Variants in WIZ observed in about 807,000 individuals in gnomAD.
WIZ encodes protein Wiz.
Under a neutral mutation model 140.2 loss-of-function variants are expected in WIZ, and 25 were observed. The ratio of observed to expected loss-of-function variants is 0.18; its 90% CI spans 0.13 to 0.25. The LOEUF (loss-of-function observed/expected upper bound fraction) is 0.25. Among genes scored for constraint, WIZ ranks in the 10% least tolerant of loss-of-function variants. The pLI is 1.00. For missense variants in WIZ, 2,231 were observed against 2,632.6 expected (o/e 0.85, Z 3.34); for synonymous variants, 1,125 against 1,154.3 (o/e 0.97, Z 0.51).
rs1211446750 is a variant in WIZ, at chr19:15,424,875, G to T, written c.5052C>A (p.Pro1684=). The T allele has an allele frequency of 1.2e-6, 2 of 1,611,016 alleles. No homozygotes were observed. The highest frequency in any genetic ancestry group is 2.7e-5 in the African/African-American group (2 of 74,936). ...ETLSEWIKHR[P]QKVGAYRSYI... Reference sequence around the variant, plus strand: ...AGCTGCGGTAGGCGCCCACCTTCTGGGGCCGGTGTTTGATCCACTCGCTCA... The same window carrying T: ...AGCTGCGGTAGGCGCCCACCTTCTGTGGCCGGTGTTTGATCCACTCGCTCA... The change falls in exon 11 of 13, where the codon CCC becomes CCA. Residue 1684 remains proline (P), a synonymous_variant. Transcript: ENST00000673675. This position sits in a 1 kb window ranked among gnomAD's most constrained non-coding sequence, Gnocchi z 9.7.
rs1469870300 is a variant in WIZ, at chr19:15,432,029, G to A, written c.2741-847C>T. On this transcript the variant is annotated intron_variant, in intron 5 of 12. Coordinates refer to ENST00000673675, the MANE Select transcript of WIZ (RefSeq NM_001371589.1). The stretch of plus-strand genomic sequence containing the variant: ...GGGCAGGGGGCCATGTAGGTTCTAT[G>A]CTCAGTTTGAGTCTCGCAGAAGCAA... Among the ~76,000 whole-genome samples, 7 of 152,322 alleles carry A rather than the reference G, an allele frequency of 4.6e-5. No homozygotes were observed. The South Asian group carries it at 1.2e-3, about 27-fold the overall frequency.
At chr19:15,446,191 C>T (rs1314531187) in intron 2 of WIZ, among the ~76,000 whole-genome samples, 7 of 152,140 alleles carry the variant, frequency 4.6e-5, no homozygotes, top group Admixed American at 2.0e-4. Context: ...AACAGATGCA[C>T]GTATGAGACC....
chr19:15,443,557 CT>C (rs1362996674), intron 2 of WIZ, among the ~76,000 whole-genome samples: 1 of 152,208 alleles, frequency 6.6e-6, no homozygotes, highest in African/African-American at 2.4e-5. Flanking sequence ...GCTATGCCTT[CT>C]GCCCAGGGCA....
chr19:15,435,953 T>C (rs1466128875), intron 5 of WIZ, among the ~76,000 whole-genome samples: 1 of 152,020 alleles, frequency 6.6e-6, no homozygotes, highest in Non-Finnish European at 1.5e-5. Context: ...TGAAAACCCA[T>C]CTCTACTAAA....
chr19:15,425,495 G>A lies in WIZ; in HGVS notation c.4640C>T (p.Ser1547Phe). Residue 1547 changes from serine (S) to phenylalanine (F), a missense_variant, in exon 10 of 13, where the codon TCC (serine) becomes TTC (phenylalanine). Physicochemically the swap from Ser to Phe is radical, Grantham distance 155. Around this residue, in one of 15 missense-constraint regions of WIZ, gnomAD observed 393 missense variants for 451.7 expected, o/e 0.87. Transcript: ENST00000673675. Reference protein sequence around the residue: ...PPTVAPGPVQSPLPLSPLAGR... With the variant: ...PPTVAPGPVQFPLPLSPLAGR... ...AGCCAGGGGCGACAGCGGCAGTGGG[G>A]ACTGCACGGGCCCAGGGGCCACGGT... 1 of 1,609,446 alleles carries A rather than the reference G, an allele frequency of 6.2e-7. No homozygotes were observed. The highest frequency in any genetic ancestry group is 8.5e-7 in the Non-Finnish European group (1 of 1,178,200).
chr19:15,442,755 C>G lies in WIZ; in HGVS notation c.206-7G>C. The G allele has an allele frequency of 8.1e-7, 1 of 1,231,934 alleles. No individual in the cohort carries two copies. The highest frequency in any genetic ancestry group is 1.0e-6 in the Non-Finnish European group (1 of 987,848). 76.3% of individuals were successfully genotyped at this position (1,231,934 alleles called of 1,614,324 possible). A position where few individuals can be genotyped will look rare whatever the true frequency, so the allele number is the denominator to read the frequency against. ...CCGGGATGGGGCTGCCCGTCTGCAACAGAGAGGGGAGACCCTGAGGGGCTG... is the reference window on the plus strand; with the variant it reads ...CCGGGATGGGGCTGCCCGTCTGCAAGAGAGAGGGGAGACCCTGAGGGGCTG... On this transcript the variant is annotated splice_region_variant and splice_polypyrimidine_tract_variant and intron_variant, in intron 2 of 12. Transcript: ENST00000673675. The surrounding 1 kb of genome is among the most constrained non-coding windows in gnomAD (Gnocchi z 5.5).
rs79657001 is a variant in WIZ, at chr19:15,428,703, T to C, written c.3416-195A>G. Among the ~76,000 whole-genome samples, 317 of 151,832 alleles carry C rather than the reference T, an allele frequency of 2.1e-3. 1 individual carries two copies. The highest frequency in any genetic ancestry group is 7.2e-3 in the African/African-American group (299 of 41,336). On this transcript the variant is annotated intron_variant, in intron 7 of 12. Coordinates refer to ENST00000673675, the MANE Select transcript of WIZ (RefSeq NM_001371589.1). This position sits in a 1 kb window ranked among gnomAD's most constrained non-coding sequence, Gnocchi z 6.4. ...CCTAGCCCTTTGGCATCGAGGGGAG[T>C]GTAGAGAGCTTAAGGACTTTGGGTA... is the stretch of plus-strand genomic sequence containing the variant.
chr19:15,431,206 A>G, intron 5 of WIZ, 24 bp from the exon 6 acceptor site: 1 of 1,489,166 alleles, frequency 6.7e-7, no homozygotes, highest in African/African-American at 1.4e-5. Flanking sequence ...AGACAGGCTC[A>G]GCCCAGACAA....
intron 3 of WIZ, among the ~76,000 whole-genome samples, chr19:15,441,330 C>T (rs1291846159): frequency 6.6e-6 from 1 of 152,136 alleles, no homozygotes; most frequent in Non-Finnish European, 1.5e-5. Flanking sequence ...GGCAAGGTAA[C>T]CACTCTGGGC....
Position 15,438,795 on chromosome 19 carries a change from G to A in WIZ, c.2199C>T (p.Asp733=). The part of the protein sequence containing the change: ...DAPLGGPLGL[D]TLLDGDPAMA... ...TGGCCGGATCCCCATCCAGGAGTGTGTCCAGCCCCAGCGGGCCGCCCAGCG... is the reference window on the plus strand; with the variant it reads ...TGGCCGGATCCCCATCCAGGAGTGTATCCAGCCCCAGCGGGCCGCCCAGCG... Residue 733 remains aspartate (D), a synonymous_variant, in exon 4 of 13, where the codon GAC becomes GAT. Transcript: ENST00000673675. The A allele has an allele frequency of 6.6e-7, 1 of 1,522,406 alleles. No homozygotes were observed. 94.3% of individuals were successfully genotyped at this position (1,522,406 alleles called of 1,614,324 possible).
At position 15,422,979 on chromosome 19, in the gene WIZ, T is replaced by C. The variant is rs1968463334; in HGVS notation, c.*97A>G. The stretch of plus-strand genomic sequence containing the variant: ...CCGGTTTGAGGTTTTGGCTTGCTCC[T>C]TTGGAAACGGAAAGAAAGAGGAAGA... On this transcript the variant is annotated 3_prime_UTR_variant, in exon 13 of 13. Coordinates refer to ENST00000673675, the MANE Select transcript of WIZ (RefSeq NM_001371589.1). 2 of 1,519,260 alleles carry C rather than the reference T, an allele frequency of 1.3e-6. No individual in the cohort carries two copies. The highest frequency in any genetic ancestry group is 1.8e-6 in the Non-Finnish European group (2 of 1,134,842). 94.1% of individuals were successfully genotyped at this position (1,519,260 alleles called of 1,614,324 possible). A position where few individuals can be genotyped will look rare whatever the true frequency, so the allele number is the denominator to read the frequency against.
Position 15,429,811 on chromosome 19 carries a change from C to G in WIZ, c.3190G>C (p.Ala1064Pro), listed in dbSNP as rs1193455952. 3.9e-6 allele frequency: 6 copies of G among 1,526,204 alleles called. No homozygotes were observed. The highest frequency in any genetic ancestry group is 5.3e-6 in the Non-Finnish European group (6 of 1,140,354). 94.5% of individuals were successfully genotyped at this position (1,526,204 alleles called of 1,614,324 possible). Residue 1064 changes from alanine to proline, a missense_variant, in exon 7 of 13, where the codon GCC becomes CCC. By Grantham distance (27) the Ala-to-Pro change is conservative (BLOSUM62 -1). Transcript: ENST00000673675. ...GLLSLAKPLD[A>P]PAVNKAIKSP... ...TTGATGGCTTTGTTGACAGCAGGGG[C>G]ATCCAAGGGCTTGGCCAGGCTGAGC...
chr19:15,424,583 G>T lies in WIZ; in HGVS notation c.5314+30C>A. 1.3e-6 allele frequency: 2 copies of T among 1,565,696 alleles called. No homozygotes were observed. Among genetic ancestry groups the T allele is most frequent in the Non-Finnish European group, 1.7e-6 (2 of 1,163,722 alleles). The stretch of plus-strand genomic sequence containing the variant: ...GGTGGGCCTGACAGGTGCCCGCTGC[G>T]CTCCCGACCCTCCTCCACCAAGCAC... On this transcript the variant is annotated intron_variant, in intron 11 of 12. Transcript: ENST00000673675. The surrounding 1 kb of genome is among the most constrained non-coding windows in gnomAD (Gnocchi z 9.7).
In WIZ at chr19:15,439,059, G is replaced by A; in HGVS notation, c.1935C>T (p.Ala645=). The A allele has an allele frequency of 6.7e-7, 1 of 1,496,202 alleles. No homozygotes were observed. The highest frequency in any genetic ancestry group is 8.9e-7 in the Non-Finnish European group (1 of 1,125,568). 92.7% of individuals were successfully genotyped at this position (1,496,202 alleles called of 1,614,324 possible). The change falls in exon 4 of 13, where the codon GCC becomes GCT. Residue 645 remains alanine (A), a synonymous_variant. Coordinates refer to ENST00000673675, the MANE Select transcript of WIZ (RefSeq NM_001371589.1). The surrounding 1 kb of genome is among the most constrained non-coding windows in gnomAD (Gnocchi z 7.0). ...CCGCCTGCGGGATGAGGCTGGGGGT[G>A]GCTAGGGGTGAAAAGACCCCATTTT... ...SPENGVFSPL[A]TPSLIPQAAL...
In WIZ at chr19:15,442,827, G is replaced by T; in HGVS notation, c.206-79C>A. On this transcript the variant is annotated intron_variant, in intron 2 of 12. Transcript: ENST00000673675. This position sits in a 1 kb window ranked among gnomAD's most constrained non-coding sequence, Gnocchi z 5.5. Reference sequence around the variant, plus strand: ...TCCACACCCCAGCTCCAGGAGCCCTGCCAGGTGCCTCAGAAAGGCCCTGCT... The same window carrying T: ...TCCACACCCCAGCTCCAGGAGCCCTTCCAGGTGCCTCAGAAAGGCCCTGCT... 2 of 918,350 alleles carry T rather than the reference G, an allele frequency of 2.2e-6. No individual in the cohort carries two copies. Among genetic ancestry groups the T allele is most frequent in the Non-Finnish European group, 2.9e-6 (2 of 701,220 alleles). 56.9% of individuals were successfully genotyped at this position (918,350 alleles called of 1,614,324 possible).
chr19:15,422,455 C>A lies in WIZ; in HGVS notation c.*621G>T, dbSNP rs1968429761. 1 of 152,034 alleles carries A rather than the reference C, an allele frequency of 6.6e-6. No homozygotes were observed. 9.4% of individuals were successfully genotyped at this position (152,034 alleles called of 1,614,324 possible). A position where few individuals can be genotyped will look rare whatever the true frequency, so the allele number is the denominator to read the frequency against. ...TCTGAGCTCTTCCCAGCTGGGAAGG[C>A]CCCTCTCGGGGGCAGCCAACAAGGA... On this transcript the variant is annotated 3_prime_UTR_variant, in exon 13 of 13. Coordinates refer to ENST00000673675, the MANE Select transcript of WIZ (RefSeq NM_001371589.1).
Position 15,427,117 on chromosome 19 carries a change from G to A in WIZ, c.4231C>T (p.Pro1411Ser), listed in dbSNP as rs1231332406. 6.2e-7 allele frequency: 1 copy of A among 1,614,080 alleles called. No individual in the cohort carries two copies. Among genetic ancestry groups the A allele is most frequent in the Non-Finnish European group, 8.5e-7 (1 of 1,180,022 alleles). Residue 1411 changes from proline (P) to serine (S), a missense_variant, in exon 9 of 13, where the codon CCC becomes TCC. Physicochemically the swap from Pro to Ser is moderately conservative, Grantham distance 74 (BLOSUM62 -1). This residue lies in a region of WIZ where 393 missense variants were observed against 451.7 expected (regional missense o/e 0.87). Coordinates refer to ENST00000673675, the MANE Select transcript of WIZ (RefSeq NM_001371589.1). The surrounding 1 kb of genome is among the most constrained non-coding windows in gnomAD (Gnocchi z 6.4). ...MFPGLAAPSL[P>S]KKLKPEQIRV... ...ATTTGTTCAGGCTTCAGCTTCTTGG[G>A]CAAGGAGGGTGCAGCCAGGCCTGGG...
chr19:15,420,943 C>G lies in WIZ; in HGVS notation c.*2133G>C, dbSNP rs1290851666. On this transcript the variant is annotated 3_prime_UTR_variant, in exon 13 of 13. Transcript: ENST00000673675. ...CAGCCCGGGCAACATGGTGAAACCC[C>G]CGTCTCTACAAAAATTACAGATATA... 1 of 152,074 alleles carries G rather than the reference C, an allele frequency of 6.6e-6. No homozygotes were observed. Among genetic ancestry groups the G allele is most frequent in the East Asian group, 1.9e-4 (1 of 5,184 alleles). The allele number at this position is 152,074 out of a possible 1,614,324, so 9.4% of individuals were successfully genotyped here.
In WIZ at chr19:15,428,763, C is replaced by T. The variant is rs965506416; in HGVS notation, c.3416-255G>A. Among the ~76,000 whole-genome samples, 1 of 152,172 alleles carries T rather than the reference C, an allele frequency of 6.6e-6. No individual in the cohort carries two copies. The highest frequency in any genetic ancestry group is 2.4e-5 in the African/African-American group (1 of 41,440). On this transcript the variant is annotated intron_variant, in intron 7 of 12. Coordinates refer to ENST00000673675, the MANE Select transcript of WIZ (RefSeq NM_001371589.1). The surrounding 1 kb of genome is among the most constrained non-coding windows in gnomAD (Gnocchi z 6.4). ...TGACCAAATTCTAGGTAATCAGATA[C>T]TCCCAGACCCTCTCCCCTAGGATCC... is the stretch of plus-strand genomic sequence containing the variant.
Sources: allele counts gnomAD v4.1 joint callset (sites outside exome capture counted in the v4.1 genomes callset), GRCh38; gene constraint gnomAD v4.1.1; regional missense constraint gnomAD v4.1.1; non-coding constraint Gnocchi (gnomAD v3.1); transcripts MANE v1.5; gene names NCBI Gene and HGNC (gene_info 2026-07-23, HGNC 2026-07-21).